Variants in TNS3 observed in about 807,000 individuals in gnomAD.
TNS3 encodes the protein tensin-3.
In TNS3, 45 loss-of-function variants were observed where a neutral mutation model predicts 140.9. The ratio of observed to expected loss-of-function variants is 0.32; its 90% CI spans 0.25 to 0.41. TNS3 has a LOEUF of 0.41. Among genes scored for constraint, TNS3 ranks in the 10% least tolerant of loss-of-function variants. The pLI is 1.00. For missense variants in TNS3, 1,716 were observed against 1,906.7 expected, an observed-to-expected ratio of 0.90 and a Z score of 1.86; for synonymous variants, 815 against 788.4, an observed-to-expected ratio of 1.03 and a Z score of -0.56.
chr7:47,353,017 G>C (rs1373832673), intron 17 of TNS3, among the ~76,000 whole-genome samples: 2 of 152,162 alleles, frequency 1.3e-5, no homozygotes, highest in Admixed American at 1.3e-4. Context: ...CACAGCTTGG[G>C]GACATTTCCT....
chr7:47,416,768 A>G lies in TNS3; in HGVS notation c.474-1562T>C, dbSNP rs115244718. 6.3e-3 allele frequency among the ~76,000 whole-genome samples: 963 copies of G among 152,304 alleles called. 4 individuals carry two copies. Among genetic ancestry groups the G allele is most frequent in the African/African-American group, 0.021 (892 of 41,568 alleles). ...GTAGGCAGAGGAATGCATGAATTGTATATGTTTAATCATGCAAATTTTACG... is the reference window on the plus strand; with the variant it reads ...GTAGGCAGAGGAATGCATGAATTGTGTATGTTTAATCATGCAAATTTTACG... On this transcript the variant is annotated intron_variant, in intron 10 of 30. Coordinates refer to ENST00000311160, the MANE Select transcript of TNS3 (RefSeq NM_022748.12).
intron 12 of TNS3, among the ~76,000 whole-genome samples, chr7:47,412,752 A>G (rs1793844780): frequency 6.6e-6 from 1 of 152,216 alleles, no homozygotes; most frequent in African/African-American, 2.4e-5. Context: ...CTGACTGGGG[A>G]CAGAAAATAT....
intron 20 of TNS3, among the ~76,000 whole-genome samples, chr7:47,340,928 CT>C (rs570092382): frequency 6.6e-6 from 1 of 152,116 alleles, no homozygotes; most frequent in Admixed American, 6.5e-5. Context: ...TTCTATTTTG[CT>C]GGAAGTTTTG....
rs552649976 is a variant in TNS3 at position 47,554,289 on chromosome 7, G to A, written c.-264-25142C>T. On this transcript the variant is annotated intron_variant, in intron 1 of 30. Coordinates refer to ENST00000311160, the MANE Select transcript of TNS3 (RefSeq NM_022748.12). The stretch of plus-strand genomic sequence containing the variant: ...AAAAATTAGCCAGGCATGGTGGCGG[G>A]TGCCTGTAATCCCAGCTACTCGGGA... Among the ~76,000 whole-genome samples, 4 of 151,570 alleles carry A rather than the reference G, an allele frequency of 2.6e-5. No homozygotes were observed. The South Asian group carries it at 8.4e-4, about 32-fold the overall frequency.
At chr7:47,528,936 T>C in intron 2 of TNS3, 100 bp downstream of exon 2, 1 of 642,012 alleles carries the variant, frequency 1.6e-6, no homozygotes, top group Non-Finnish European at 2.2e-6. Flanking sequence ...GGGAATTCCA[T>C]GATTTAACTT....
At chr7:47,415,353 G>A in intron 10 of TNS3, 147 bp from the exon 11 acceptor site, 1 of 591,430 alleles carries the variant, frequency 1.7e-6, no homozygotes, top group Non-Finnish European at 2.9e-6. Context: ...TCTCAGCATG[G>A]TGCTGCGCTT....
chr7:47,284,578 T>C (rs1472590249), intron 27 of TNS3, among the ~76,000 whole-genome samples: 1 of 152,156 alleles, frequency 6.6e-6, no homozygotes, highest in Non-Finnish European at 1.5e-5. Flanking sequence ...CTTTGGGGCA[T>C]GGGTGAAATT....
intron 20 of TNS3, among the ~76,000 whole-genome samples, chr7:47,307,758 ATGTT>A (rs1362809659): frequency 6.6e-6 from 1 of 152,144 alleles, no homozygotes; most frequent in Non-Finnish European, 1.5e-5. Flanking sequence ...CTCTGGTAAA[ATGTT>A]TGTTCAAATC....
intron 1 of TNS3, among the ~76,000 whole-genome samples, chr7:47,533,123 A>ATATT (rs1186427934): frequency 1.8e-4 from 16 of 88,818 alleles, no homozygotes; most frequent in African/African-American, 8.7e-4. Flanking sequence ...ATATATATAT[A>ATATT]TTTTTTTTTT....
chr7:47,437,286 C>A lies in TNS3; in HGVS notation c.178G>T (p.Asp60Tyr). The change falls in exon 7 of 31, where the codon GAC (aspartate) becomes TAC (tyrosine). Residue 60 changes from aspartate (D) to tyrosine (Y), a missense_variant. Asp to Tyr is a radical substitution (Grantham distance 160). Transcript: ENST00000311160. ...LVLNLSEKRY[D>Y]LTKLNPKIMD... ...ACCTTTGGGTTAAGCTTCGTAAGGT[C>A]ATATCTCTTTTCTGAAAGGTTTAAT... is the stretch of plus-strand genomic sequence containing the variant. 6.4e-7 allele frequency: 1 copy of A among 1,552,624 alleles called. No homozygotes were observed. Among genetic ancestry groups the A allele is most frequent in the South Asian group, 1.3e-5 (1 of 78,318 alleles).
chr7:47,339,081 G>A (rs1253763465), intron 20 of TNS3, among the ~76,000 whole-genome samples: 1 of 152,108 alleles, frequency 6.6e-6, no homozygotes, highest in Non-Finnish European at 1.5e-5. Flanking sequence ...AGTATTGAGA[G>A]ATTATATACA....
intron 2 of TNS3, among the ~76,000 whole-genome samples, chr7:47,524,347 G>A (rs1799099380): frequency 6.6e-6 from 1 of 152,228 alleles, no homozygotes; most frequent in South Asian, 2.1e-4. Context: ...GGCACAGCCA[G>A]AACTTGACCC....
chr7:47,308,900 A>G (rs925756615), intron 20 of TNS3, among the ~76,000 whole-genome samples: 3 of 152,150 alleles, frequency 2.0e-5, no homozygotes, highest in Admixed American at 6.5e-5. Context: ...GCTCAGTTGA[A>G]TACGTATGGC....
chr7:47,318,905 A>G (rs541410658), intron 20 of TNS3, among the ~76,000 whole-genome samples: 8 of 152,326 alleles, frequency 5.3e-5, no homozygotes, highest in African/African-American at 1.4e-4. Flanking sequence ...TCATAACTGG[A>G]CTTGTCCACA....
intron 4 of TNS3, among the ~76,000 whole-genome samples, chr7:47,460,092 A>G (rs1333109047): frequency 6.6e-6 from 1 of 151,954 alleles, no homozygotes. Flanking sequence ...GGGCTCCTGT[A>G]GTCCCAGCTA....
At position 47,389,065 on chromosome 7, in the gene TNS3, AGAAGAAGAAGAAGAAGAAGAG is replaced by A. The variant is rs1562674976; in HGVS notation, c.1024+7714_1024+7734del. Among the ~76,000 whole-genome samples, 23 of 44,868 alleles carry A rather than the reference AGAAGAAGAAGAAGAAGAAGAG, an allele frequency of 5.1e-4. 1 individual carries two copies. The highest frequency in any genetic ancestry group is 2.0e-3 in the African/African-American group (23 of 11,386). The allele number at this position is 44,868 out of a possible 152,430, so 29.4% of individuals were successfully genotyped here. ...AAGAAGAAGAAGAAGAAGAAGAAGAAGAAGAAGAAGAAGAAGAAGAGGAAGAGGAAGAGGAAGCGGAAGCAG... is the reference window on the plus strand; with the variant it reads ...AAGAAGAAGAAGAAGAAGAAGAAGAAGAAGAGGAAGAGGAAGCGGAAGCAG... On this transcript the variant is annotated intron_variant, in intron 16 of 30. Transcript: ENST00000311160.
intron 3 of TNS3, among the ~76,000 whole-genome samples, chr7:47,496,869 G>A (rs962646389): frequency 2.0e-5 from 3 of 152,210 alleles, no homozygotes; most frequent in African/African-American, 4.8e-5. Flanking sequence ...AGCCAAGGCA[G>A]GGTGAGCCTG....
At chr7:47,558,392 G>T (rs1300996106) in intron 1 of TNS3, among the ~76,000 whole-genome samples, 2 of 152,082 alleles carry the variant, frequency 1.3e-5, no homozygotes, top group Non-Finnish European at 1.5e-5. Context: ...TTGACACTTG[G>T]CAGAGGGTCC....
rs746220863 is a variant in TNS3 at position 47,369,509 on chromosome 7, G to C, written c.1137C>G (p.Ser379Arg). The change falls in exon 17 of 31, where the codon AGC becomes AGG. Residue 379 changes from serine (S) to arginine (R), a missense_variant. Around this residue, in one of 3 missense-constraint regions of TNS3, gnomAD observed 1,163 missense variants for 1,182.1 expected, o/e 0.98. Transcript: ENST00000311160. ...ACAAGGTGTGGTCACTGTGGTCTGG[G>C]CTGTTGGTGGCCGGGATTGCCTGGG... is the stretch of plus-strand genomic sequence containing the variant. ...GGPQAIPATN[S>R]PDHSDHTLSV... The C allele has an allele frequency of 1.9e-6, 3 of 1,613,982 alleles. No individual in the cohort carries two copies. Among genetic ancestry groups the C allele is most frequent in the Non-Finnish European group, 2.5e-6 (3 of 1,180,004 alleles).
Sources: gnomAD v4.1 joint callset for allele counts (sites outside exome capture counted in the v4.1 genomes callset) on GRCh38, gnomAD v4.1.1 for gene constraint, gnomAD v4.1.1 regional missense constraint, MANE v1.5 for transcripts, NCBI Gene and HGNC (gene_info 2026-07-23, HGNC 2026-07-21) for gene names.